The following ZPBP variants were observed in gnomAD, a reference collection of about 807,000 sequenced individuals.
ZPBP encodes the protein zona pellucida binding protein.
In ZPBP, 26 loss-of-function variants were observed where a neutral mutation model predicts 44.8. That is an observed-to-expected ratio of 0.58 (90% CI 0.43 to 0.81). ZPBP has a LOEUF of 0.81. ZPBP is among the 30% of genes least tolerant of loss of function. The probability of loss-of-function intolerance (pLI) is 0.00; values close to 1 mark genes in which losing one functional copy is unlikely to be tolerated. For missense variants in ZPBP, 409 were observed against 434.0 expected (o/e 0.94, Z 0.51); for synonymous variants, 174 against 153.2 (o/e 1.14, Z -1.00).
At chr7:49,991,482 T>A (rs1797568571) in intron 6 of ZPBP, among the ~76,000 whole-genome samples, 1 of 152,104 alleles carries the variant, frequency 6.6e-6, no homozygotes, top group African/African-American at 2.4e-5. Flanking sequence ...CTAAGAAACA[T>A]AATTAATCCT....
intron 7 of ZPBP, among the ~76,000 whole-genome samples, chr7:49,965,631 A>T (rs1275162392): frequency 1.3e-5 from 2 of 151,998 alleles, no homozygotes; most frequent in Non-Finnish European, 2.9e-5. Context: ...TTTTGGTGTT[A>T]TTTCTATCCA....
At chr7:50,047,944 A>G (rs541318910) in intron 4 of ZPBP, among the ~76,000 whole-genome samples, 1 of 152,320 alleles carries the variant, frequency 6.6e-6, no homozygotes, top group African/African-American at 2.4e-5. Flanking sequence ...GGATTTAACA[A>G]CAAGGGGACT....
intron 2 of ZPBP, among the ~76,000 whole-genome samples, chr7:49,883,907 C>T (rs1479635795): frequency 1.3e-5 from 2 of 152,208 alleles, no homozygotes; most frequent in Non-Finnish European, 1.5e-5. Context: ...ATGCTGGCTT[C>T]GGATTGTCTT....
At chr7:49,992,469 A>G (rs1797615257) in intron 6 of ZPBP, among the ~76,000 whole-genome samples, 1 of 152,182 alleles carries the variant, frequency 6.6e-6, no homozygotes, top group African/African-American at 2.4e-5. Context: ...AATTAAATGG[A>G]CAGCTTTAGC....
chr7:49,865,111 G>T (rs1308065278), intron 2 of ZPBP, among the ~76,000 whole-genome samples: 1 of 152,144 alleles, frequency 6.6e-6, no homozygotes, highest in African/African-American at 2.4e-5. Context: ...GCTGAAATTT[G>T]CCATGTAAAG....
chr7:50,024,895 T>C lies in ZPBP; in HGVS notation c.706+6197A>G, dbSNP rs116588201. On this transcript the variant is annotated intron_variant, in intron 5 of 7. Transcript: ENST00000046087. ...TAATGATGTGAGATAATAGATATGT[T>C]AGTTTGCTTGACTTGCAATAGTTAT... is the stretch of plus-strand genomic sequence containing the variant. 7.8e-3 allele frequency among the ~76,000 whole-genome samples: 1,182 copies of C among 152,060 alleles called. 24 individuals are homozygous for C. Among genetic ancestry groups the C allele is most frequent in the African/African-American group, 0.027 (1,121 of 41,552 alleles).
intron 2 of ZPBP, among the ~76,000 whole-genome samples, chr7:50,086,499 A>G (rs1802658302): frequency 6.6e-6 from 1 of 152,050 alleles, no homozygotes; most frequent in Non-Finnish European, 1.5e-5. Flanking sequence ...TATTCCAAGT[A>G]GAAGATATCA....
chr7:50,093,028 G>T (rs1438682227), intron 1 of ZPBP, 40 bp downstream of exon 1: 1 of 1,579,402 alleles, frequency 6.3e-7, no homozygotes, highest in Non-Finnish European at 8.6e-7. Flanking sequence ...GGAAGCTGCG[G>T]TTGTCCCTGC....
At chr7:49,936,223 C>G (rs937709389), downstream of ZPBP, 7 of 152,072 alleles carry the variant, frequency 4.6e-5, no homozygotes, top group East Asian at 7.7e-4. Context: ...ATGTCACTTA[C>G]TAGAGGAAAG....
intron 4 of ZPBP, among the ~76,000 whole-genome samples, chr7:50,052,723 T>A (rs577737714): frequency 6.6e-6 from 1 of 152,284 alleles, no homozygotes; most frequent in South Asian, 2.1e-4. Flanking sequence ...GCATAAGTCA[T>A]TAAACAAACT....
intron 2 of ZPBP, among the ~76,000 whole-genome samples, chr7:49,890,311 C>G (rs1362108598): frequency 3.3e-5 from 5 of 152,088 alleles, no homozygotes; most frequent in Non-Finnish European, 7.4e-5. Context: ...GGGACACATG[C>G]AAAATTGTAT....
chr7:49,897,352 AG>A (rs1792441556), intron 2 of ZPBP, among the ~76,000 whole-genome samples: 1 of 152,232 alleles, frequency 6.6e-6, no homozygotes. Context: ...AAAAAAATAC[AG>A]GTCAATATTT....
intron 2 of ZPBP, among the ~76,000 whole-genome samples, chr7:49,885,464 T>C (rs4916998): frequency 0.74 from 112,287 of 151,964 alleles, 41,693 homozygotes; most frequent in East Asian, 0.88. Context: ...AGATGTAAGA[T>C]AGCAGATTAA....
intron 2 of ZPBP, among the ~76,000 whole-genome samples, chr7:49,871,201 T>C (rs576132639): frequency 7.5e-4 from 114 of 152,244 alleles, no homozygotes; most frequent in African/African-American, 2.6e-3. Context: ...TAATAATATC[T>C]ATTGTTGGTA....
chr7:50,004,689 T>C (rs6944215), intron 6 of ZPBP, among the ~76,000 whole-genome samples: 120,516 of 152,002 alleles, frequency 0.79, 47,973 homozygotes, highest in East Asian at 0.87. Flanking sequence ...AACAGCAGAA[T>C]CAATGAGGCA....
the ZPBP span, among the ~76,000 whole-genome samples, chr7:49,841,301 A>T: frequency 7.3e-6 from 1 of 136,432 alleles, no homozygotes; most frequent in African/African-American, 2.7e-5. Context: ...TAAGATGTTT[A>T]CACATTACTT....
At chr7:49,992,573 A>C (rs1797619767) in intron 6 of ZPBP, among the ~76,000 whole-genome samples, 1 of 152,148 alleles carries the variant, frequency 6.6e-6, no homozygotes, top group South Asian at 2.1e-4. Context: ...CTAGAAAAAA[A>C]TATTACAATA....
chr7:49,921,735 C>A (rs946315532), intron 1 of ZPBP: 5 of 151,922 alleles, frequency 3.3e-5, no homozygotes, highest in African/African-American at 1.2e-4. Flanking sequence ...ATTTAGTGCT[C>A]ATTTGAAAAA....
chr7:50,011,790 G>A (rs958381099), intron 6 of ZPBP, among the ~76,000 whole-genome samples: 1 of 152,020 alleles, frequency 6.6e-6, no homozygotes, highest in African/African-American at 2.4e-5. Flanking sequence ...GGTGGCTCAT[G>A]ACTGTAATCC....
Sources: gnomAD v4.1 joint callset for allele counts (sites outside exome capture counted in the v4.1 genomes callset) on GRCh38, gnomAD v4.1.1 for gene constraint, MANE v1.5 for transcripts, NCBI Gene and HGNC (gene_info 2026-07-23, HGNC 2026-07-21) for gene names.